ENAH: variants seen among roughly 807,000 people sequenced by gnomAD.
ENAH encodes the protein protein enabled homolog.
ENAH carries 23 observed loss-of-function variants against 78.7 expected under a neutral mutation model. The observed-to-expected ratio is 0.29, with a 90% confidence interval of 0.21 to 0.41. ENAH has a LOEUF of 0.41. Among genes scored for constraint, ENAH ranks in the 10% least tolerant of loss-of-function variants. ENAH has a pLI of 1.00. For synonymous variants in ENAH, 226 were observed against 241.0 expected (o/e 0.94, Z 0.58); for missense variants, 544 against 691.0 (o/e 0.79, Z 2.39).
At position 225,567,424 on chromosome 1, in the gene ENAH, A is replaced by C. The variant is rs778444018; in HGVS notation, c.6-10T>G. On this transcript the variant is annotated splice_polypyrimidine_tract_variant and intron_variant, in intron 1 of 13. Transcript: ENST00000366843. ...ACAGATACTCTGTTCACTGTAAAAAATAAAATAAAATATTCAAACTTGCAA... is the reference window on the plus strand; with the variant it reads ...ACAGATACTCTGTTCACTGTAAAAACTAAAATAAAATATTCAAACTTGCAA... 2.8e-5 allele frequency: 44 copies of C among 1,596,580 alleles called. No homozygotes were observed. The highest frequency in any genetic ancestry group is 1.7e-6 in the Non-Finnish European group (2 of 1,171,914).
In ENAH at chr1:225,501,088, C is replaced by G; in HGVS notation, c.1539-18G>C. 1.3e-6 allele frequency: 2 copies of G among 1,597,668 alleles called. No homozygotes were observed. The highest frequency in any genetic ancestry group is 2.7e-5 in the African/African-American group (2 of 74,586). On this transcript the variant is annotated intron_variant, in intron 11 of 13. Transcript: ENST00000366843. ...ATTTTGGTCTGTATAAATGAGATTTCCAGGACAGGTAAACAACATTCTTAA... is the reference window on the plus strand; with the variant it reads ...ATTTTGGTCTGTATAAATGAGATTTGCAGGACAGGTAAACAACATTCTTAA...
At chr1:225,586,704 T>C (rs189072637) in intron 1 of ENAH, among the ~76,000 whole-genome samples, 3 of 152,094 alleles carry the variant, frequency 2.0e-5, no homozygotes. Flanking sequence ...CGTAACAGAA[T>C]AAAGGAGAAG....
chr1:225,567,069 T>C (rs2096738431), intron 2 of ENAH, among the ~76,000 whole-genome samples, 180 bp downstream of exon 2: 1 of 152,238 alleles, frequency 6.6e-6, no homozygotes, highest in Admixed American at 6.5e-5. Context: ...TTGTTCTAAA[T>C]CTTCGTTTAA....
chr1:225,638,448 T>G (rs1333936373), intron 1 of ENAH, among the ~76,000 whole-genome samples: 1 of 152,238 alleles, frequency 6.6e-6, no homozygotes, highest in African/African-American at 2.4e-5. Flanking sequence ...CATGAGCCAC[T>G]ATGCTCTGCC....
intron 1 of ENAH, among the ~76,000 whole-genome samples, chr1:225,609,656 A>ATTTTTTTTTTTTTTTTT (rs59508510): frequency 1.3e-5 from 1 of 76,484 alleles, no homozygotes; most frequent in Non-Finnish European, 2.4e-5. Context: ...GGAAAAATGG[A>ATTTTTTTTTTTTTTTTT]TTTTTTTTTT....
chr1:225,591,936 T>C (rs1468409475), intron 1 of ENAH, among the ~76,000 whole-genome samples: 1 of 152,200 alleles, frequency 6.6e-6, no homozygotes, highest in Non-Finnish European at 1.5e-5. Flanking sequence ...TCTGGCTCTG[T>C]CATTTCCTAG....
intron 2 of ENAH, among the ~76,000 whole-genome samples, chr1:225,556,781 C>T (rs1378322379): frequency 6.6e-6 from 1 of 152,056 alleles, no homozygotes; most frequent in Non-Finnish European, 1.5e-5. Flanking sequence ...AAATATTGTC[C>T]CATATTATCT....
intron 11 of ENAH, among the ~76,000 whole-genome samples, chr1:225,501,926 C>T (rs979216679): frequency 6.6e-6 from 1 of 152,220 alleles, no homozygotes; most frequent in Non-Finnish European, 1.5e-5. Context: ...AAAAGAGTCC[C>T]CAGTGGAAAA....
chr1:225,567,983 C>G (rs1375587009), intron 1 of ENAH, among the ~76,000 whole-genome samples: 3 of 152,142 alleles, frequency 2.0e-5, no homozygotes, highest in Non-Finnish European at 1.5e-5. Context: ...TGGCCGCTAA[C>G]AACCAATGGA....
At chr1:225,512,807 G>C in intron 8 of ENAH, 64 bp downstream of exon 8, 1 of 1,608,216 alleles carries the variant, frequency 6.2e-7, no homozygotes. Flanking sequence ...CTAGTTAGTT[G>C]TATTTGGAAT....
At chr1:225,557,111 T>C (rs1006538393) in intron 2 of ENAH, among the ~76,000 whole-genome samples, 7 of 152,218 alleles carry the variant, frequency 4.6e-5, no homozygotes, top group Non-Finnish European at 5.9e-5. Context: ...TTGGCTCTTC[T>C]CAGTCCTTTG....
At chr1:225,606,846 A>C (rs1259346020) in intron 1 of ENAH, among the ~76,000 whole-genome samples, 2 of 131,750 alleles carry the variant, frequency 1.5e-5, no homozygotes, top group African/African-American at 5.8e-5. Context: ...CTGTCTCAAA[A>C]AAAAAAAAAA....
intron 1 of ENAH, among the ~76,000 whole-genome samples, chr1:225,629,078 G>A (rs1313685547): frequency 1.3e-5 from 2 of 151,782 alleles, no homozygotes; most frequent in Non-Finnish European, 2.9e-5. Context: ...AAGAGTTCGG[G>A]ACCAGCCTGG....
intron 1 of ENAH, among the ~76,000 whole-genome samples, chr1:225,628,651 C>G (rs968366070): frequency 7.9e-5 from 12 of 152,042 alleles, no homozygotes; most frequent in African/African-American, 2.7e-4. Context: ...TGGCTCACGC[C>G]TGGAATCCCA....
intron 3 of ENAH, among the ~76,000 whole-genome samples, chr1:225,537,257 G>A (rs2096566349): frequency 6.6e-6 from 1 of 152,162 alleles, no homozygotes; most frequent in Non-Finnish European, 1.5e-5. Flanking sequence ...CATCTGACAA[G>A]TGTCAGAATG....
At chr1:225,510,941 A>AGG (rs2096372167) in intron 10 of ENAH, among the ~76,000 whole-genome samples, 1 of 152,006 alleles carries the variant, frequency 6.6e-6, no homozygotes, top group African/African-American at 2.4e-5. Flanking sequence ...GGATCACTTG[A>AGG]GCCCAGGAGG....
intron 1 of ENAH, among the ~76,000 whole-genome samples, chr1:225,595,660 A>T (rs2147940769): frequency 6.6e-6 from 1 of 152,338 alleles, no homozygotes; most frequent in South Asian, 2.1e-4. Flanking sequence ...GACCCAAATC[A>T]TGATCCTACT....
intron 11 of ENAH, among the ~76,000 whole-genome samples, chr1:225,503,660 A>AAAAAC (rs1273028581): frequency 6.7e-6 from 1 of 148,322 alleles, no homozygotes; most frequent in African/African-American, 2.5e-5. Context: ...AACCACCTCA[A>AAAAAC]AAAAAAAAAA....
At chr1:225,637,256 G>T (rs1393237934) in intron 1 of ENAH, among the ~76,000 whole-genome samples, 1 of 152,150 alleles carries the variant, frequency 6.6e-6, no homozygotes, top group African/African-American at 2.4e-5. Context: ...CGCCCAGGCT[G>T]GAGTGAAGTG....
Sources: allele counts gnomAD v4.1 joint callset (sites outside exome capture counted in the v4.1 genomes callset), GRCh38; gene constraint gnomAD v4.1.1; transcripts MANE v1.5; gene names NCBI Gene and HGNC (gene_info 2026-07-23, HGNC 2026-07-21).